Variants in CAGE1 observed in about 807,000 individuals in gnomAD.
CAGE1 encodes the protein cancer antigen 1.
Under a neutral mutation model 94.9 loss-of-function variants are expected in CAGE1, and 66 were observed. The observed-to-expected ratio is 0.70, with a 90% CI of 0.57 to 0.85. The LOEUF is 0.85. CAGE1 is among the 40% of genes least tolerant of loss of function. The probability of loss-of-function intolerance (pLI) is 0.00; values close to 1 mark genes in which losing one functional copy is unlikely to be tolerated. For missense variants in CAGE1, 865 were observed against 950.4 expected, an observed-to-expected ratio of 0.91 and a Z score of 1.18; for synonymous variants, 319 against 321.0, an observed-to-expected ratio of 0.99 and a Z score of 0.07.
At chr6:7,333,191 T>C (rs1359522005) in intron 12 of CAGE1, among the ~76,000 whole-genome samples, 4 of 152,130 alleles carry the variant, frequency 2.6e-5, no homozygotes, top group African/African-American at 7.2e-5. Context: ...CCTCAAGTGA[T>C]TCACCCGCCT....
intron 9 of CAGE1, among the ~76,000 whole-genome samples, chr6:7,361,069 T>G (rs568920883): frequency 1.6e-4 from 25 of 152,288 alleles, no homozygotes; most frequent in African/African-American, 5.8e-4. Flanking sequence ...AGTGTCATAT[T>G]TGCTAATAAA....
chr6:7,359,580 G>A (rs1012161595), intron 9 of CAGE1, among the ~76,000 whole-genome samples: 2 of 152,202 alleles, frequency 1.3e-5, no homozygotes, highest in African/African-American at 4.8e-5. Context: ...ACATAGCAGA[G>A]GAGGAAGTCC....
At chr6:7,341,986 G>A in intron 11 of CAGE1, 1 of 757,076 alleles carries the variant, frequency 1.3e-6, no homozygotes, top group South Asian at 1.3e-5. Context: ...GTTCTCACTG[G>A]TGCCAAGGTT....
intron 3 of CAGE1, among the ~76,000 whole-genome samples, chr6:7,380,162 T>C (rs1384167322): frequency 1.3e-5 from 2 of 152,154 alleles, no homozygotes; most frequent in Non-Finnish European, 2.9e-5. Context: ...TAGGAAGGAC[T>C]ATAGTATGGG....
chr6:7,378,915 A>G lies in CAGE1; in HGVS notation c.389T>C (p.Val130Ala). The change falls in exon 4 of 14, where the codon GTA becomes GCA. Residue 130 changes from valine (V) to alanine (A), a missense_variant. Val to Ala is a moderately conservative substitution (Grantham distance 64). Coordinates refer to ENST00000502583, the MANE Select transcript of CAGE1 (RefSeq NM_001170692.2). ...QFETVCKFHW[V>A]EAFDDEMTEK... The stretch of plus-strand genomic sequence containing the variant: ...TGTCATTTCATCATCAAATGCTTCT[A>G]CCCAGTGAAATTTGCAAACGGTTTC... 1.2e-6 allele frequency: 2 copies of G among 1,605,724 alleles called. No homozygotes were observed.
intron 1 of CAGE1, among the ~76,000 whole-genome samples, chr6:7,387,637 G>A (rs138159985): frequency 1.5e-3 from 231 of 152,148 alleles, no homozygotes; most frequent in Middle Eastern, 6.8e-3. Context: ...TCAGGTACAT[G>A]TGTTTGAAAA....
intron 11 of CAGE1, among the ~76,000 whole-genome samples, chr6:7,336,549 G>A (rs1204108557): frequency 2.0e-5 from 3 of 151,980 alleles, no homozygotes; most frequent in East Asian, 1.9e-4. Context: ...TTGATCTGTC[G>A]CCAAGACTGG....
At chr6:7,331,126 A>G (rs1758735226) in intron 12 of CAGE1, among the ~76,000 whole-genome samples, 1 of 152,126 alleles carries the variant, frequency 6.6e-6, no homozygotes, top group Admixed American at 6.5e-5. Context: ...AGGGTTTTCT[A>G]TTTTCTTTCT....
chr6:7,336,772 A>G (rs1227830211), intron 11 of CAGE1, among the ~76,000 whole-genome samples: 1 of 152,152 alleles, frequency 6.6e-6, no homozygotes, highest in East Asian at 1.9e-4. Flanking sequence ...TGCCTCCCAA[A>G]GTGCTGGGAT....
At chr6:7,385,346 C>A (rs1761085276) in intron 3 of CAGE1, among the ~76,000 whole-genome samples, 1 of 151,794 alleles carries the variant, frequency 6.6e-6, no homozygotes, top group African/African-American at 2.4e-5. Flanking sequence ...CTTCTGTTGC[C>A]CACTGGAGTG....
At chr6:7,385,914 A>G (rs528988755) in intron 2 of CAGE1, 42 bp from the exon 3 acceptor site, 2 of 1,049,562 alleles carry the variant, frequency 1.9e-6, no homozygotes, top group South Asian at 3.0e-5. Context: ...AGCAAACATC[A>G]CAAGCTTCTT....
At chr6:7,346,622 G>A (rs981977450) in intron 11 of CAGE1, among the ~76,000 whole-genome samples, 2 of 152,052 alleles carry the variant, frequency 1.3e-5, no homozygotes, top group African/African-American at 4.8e-5. Context: ...TGAGGTGAAT[G>A]GATCACTTGA....
intron 11 of CAGE1, among the ~76,000 whole-genome samples, chr6:7,353,298 T>C (rs1037289670): frequency 1.1e-4 from 16 of 152,178 alleles, no homozygotes; most frequent in Admixed American, 1.0e-3. Flanking sequence ...ATGCTCAACA[T>C]CACTAATGAT....
intron 3 of CAGE1, among the ~76,000 whole-genome samples, chr6:7,381,536 CTT>C (rs35581180): frequency 8.4e-5 from 12 of 143,016 alleles, no homozygotes; most frequent in African/African-American, 7.7e-5. Flanking sequence ...TATTACGTGC[CTT>C]TTTTTTTTTT....
chr6:7,359,602 T>C (rs970026162), intron 9 of CAGE1, among the ~76,000 whole-genome samples: 2 of 152,184 alleles, frequency 1.3e-5, no homozygotes, highest in African/African-American at 4.8e-5. Flanking sequence ...TTTGGAGAGC[T>C]GCTCCCCGGG....
intron 11 of CAGE1, among the ~76,000 whole-genome samples, chr6:7,345,073 T>C (rs1171722274): frequency 1.3e-5 from 2 of 151,934 alleles, no homozygotes; most frequent in Non-Finnish European, 2.9e-5. Flanking sequence ...TTGAAAGCTT[T>C]GTTCTTTCAC....
chr6:7,380,512 C>T (rs912646318), intron 3 of CAGE1, among the ~76,000 whole-genome samples: 4 of 151,910 alleles, frequency 2.6e-5, no homozygotes, highest in Admixed American at 2.0e-4. Context: ...TGGTGCACAT[C>T]TGTAATCCCA....
chr6:7,359,179 TG>T (rs1160091883), intron 9 of CAGE1, among the ~76,000 whole-genome samples: 1 of 152,186 alleles, frequency 6.6e-6, no homozygotes, highest in African/African-American at 2.4e-5. Flanking sequence ...CCCAAGTAGC[TG>T]GGATTACAGG....
intron 4 of CAGE1, 55 bp downstream of exon 4, chr6:7,378,562 G>C (rs1403112000): frequency 2.1e-5 from 30 of 1,449,922 alleles, no homozygotes; most frequent in Non-Finnish European, 2.8e-5. Context: ...AGATGAACTA[G>C]GTTAGAACTA....
Sources: gnomAD v4.1 joint callset for allele counts (sites outside exome capture counted in the v4.1 genomes callset) on GRCh38, gnomAD v4.1.1 for gene constraint, MANE v1.5 for transcripts, NCBI Gene and HGNC (gene_info 2026-07-23, HGNC 2026-07-21) for gene names.